The following DGKI variants were observed in gnomAD, a reference collection of about 807,000 sequenced individuals.
DGKI encodes DAG kinase iota.
DGKI carries 55 observed loss-of-function variants against 147.5 expected under a neutral mutation model. That is an observed-to-expected ratio of 0.37 (90% confidence interval 0.30 to 0.47). The LOEUF (loss-of-function observed/expected upper bound fraction) is 0.47, where lower values mean the gene tolerates loss of function less well. Among genes scored for constraint, DGKI ranks in the 20% least tolerant of loss-of-function variants. DGKI has a pLI of 1.00. For missense variants in DGKI, 1,007 were observed against 1,323.8 expected, an observed-to-expected ratio of 0.76 and a Z score of 3.71; for synonymous variants, 469 against 477.1, an observed-to-expected ratio of 0.98 and a Z score of 0.22.
chr7:137,735,563 A>C (rs1795000120), intron 1 of DGKI, among the ~76,000 whole-genome samples: 1 of 152,056 alleles, frequency 6.6e-6, no homozygotes, highest in Non-Finnish European at 1.5e-5. Flanking sequence ...TTATAAAATA[A>C]ATTATATTTT....
intron 1 of DGKI, among the ~76,000 whole-genome samples, chr7:137,831,079 A>G (rs1325519079): frequency 1.3e-5 from 2 of 152,210 alleles, no homozygotes; most frequent in East Asian, 3.8e-4. Flanking sequence ...CATTTTTCCT[A>G]TAACAAAAAC....
intron 1 of DGKI, among the ~76,000 whole-genome samples, chr7:137,802,557 T>C (rs1797245977): frequency 6.6e-6 from 1 of 152,184 alleles, no homozygotes; most frequent in Non-Finnish European, 1.5e-5. Context: ...ATGTCATAAA[T>C]AGGGTTATGG....
intron 12 of DGKI, among the ~76,000 whole-genome samples, chr7:137,596,073 TGAGG>T (rs1352645968): frequency 1.0e-5 from 1 of 100,084 alleles, no homozygotes; most frequent in Admixed American, 1.1e-4. Context: ...GGAGAGAGAA[TGAGG>T]GAGGGAGAGG....
In DGKI at chr7:137,736,394, T is replaced by TA. The variant is rs1795023916; in HGVS notation, c.402-46393dup. 3.9e-5 allele frequency among the ~76,000 whole-genome samples: 6 copies of TA among 152,128 alleles called. No homozygotes were observed. The South Asian group carries it at 1.2e-3, about 31-fold the overall frequency. On this transcript the variant is annotated intron_variant, in intron 1 of 32. Transcript: ENST00000614521. ...GAATTTCAGACATGGCTCAACCTCT[T>TA]ACCGTGTGACAGTGGGCAAATTATT...
At chr7:137,519,477 T>G (rs1816890644) in intron 21 of DGKI, among the ~76,000 whole-genome samples, 1 of 152,088 alleles carries the variant, frequency 6.6e-6, no homozygotes, top group African/African-American at 2.4e-5. Context: ...CAGTCATTGA[T>G]GACAATAAAT....
At chr7:137,550,415 A>G (rs892764531) in intron 20 of DGKI, among the ~76,000 whole-genome samples, 3 of 151,990 alleles carry the variant, frequency 2.0e-5, no homozygotes, top group African/African-American at 7.3e-5. Context: ...GTCTCAAGTG[A>G]TCTGGCCATC....
chr7:137,773,364 A>G (rs980642346), intron 1 of DGKI, among the ~76,000 whole-genome samples: 1 of 152,210 alleles, frequency 6.6e-6, no homozygotes, highest in African/African-American at 2.4e-5. Flanking sequence ...AGAAGATACT[A>G]TCAGGCGTTT....
intron 1 of DGKI, among the ~76,000 whole-genome samples, chr7:137,808,281 CTT>C (rs1465849939): frequency 1.3e-5 from 2 of 152,092 alleles, no homozygotes; most frequent in African/African-American, 2.4e-5. Context: ...AAATGAGAGA[CTT>C]ATTAATCTTA....
chr7:137,531,100 G>C (rs1035554027), intron 20 of DGKI, among the ~76,000 whole-genome samples: 2 of 151,942 alleles, frequency 1.3e-5, no homozygotes, highest in African/African-American at 4.8e-5. Flanking sequence ...TATAAAACTT[G>C]GACAAATATC....
chr7:137,752,312 G>A (rs1486850615), intron 1 of DGKI, among the ~76,000 whole-genome samples: 1 of 152,040 alleles, frequency 6.6e-6, no homozygotes, highest in African/African-American at 2.4e-5. Context: ...GTATCGATAG[G>A]GGGTCCTGGT....
intron 1 of DGKI, among the ~76,000 whole-genome samples, chr7:137,729,179 A>G (rs1340641787): frequency 6.6e-6 from 1 of 152,204 alleles, no homozygotes; most frequent in Non-Finnish European, 1.5e-5. Flanking sequence ...AGAAAAAAAT[A>G]CTGCCTACTA....
chr7:137,432,807 T>C (rs1320285959), intron 28 of DGKI, among the ~76,000 whole-genome samples: 2 of 152,180 alleles, frequency 1.3e-5, no homozygotes, highest in African/African-American at 4.8e-5. Flanking sequence ...TAGGTAGTAA[T>C]ACAAGGTCCT....
chr7:137,434,461 AT>A (rs2128912879), intron 28 of DGKI, among the ~76,000 whole-genome samples: 1 of 152,048 alleles, frequency 6.6e-6, no homozygotes, highest in East Asian at 2.0e-4. Context: ...CACGCCTGTA[AT>A]CCCAGCTACT....
At position 137,846,344 on chromosome 7, in the gene DGKI, G is replaced by A. The variant is rs1798728445; in HGVS notation, c.401+118C>T. 1.7e-6 allele frequency: 1 copy of A among 576,058 alleles called. No individual in the cohort carries two copies. Among genetic ancestry groups the A allele is most frequent in the Non-Finnish European group, 2.9e-6 (1 of 345,098 alleles). The allele number at this position is 576,058 out of a possible 1,614,324, so 35.7% of individuals were successfully genotyped here. A position where few individuals can be genotyped will look rare whatever the true frequency, so the allele number is the denominator to read the frequency against. ...CCCCGGGAGGAGAGGGGGAAAGGGG[G>A]AAGGAGAGGCGTGGAAACAGAGAGG... On this transcript the variant is annotated intron_variant, in intron 1 of 32. Transcript: ENST00000614521. This position sits in a 1 kb window ranked among gnomAD's most constrained non-coding sequence, Gnocchi z 4.0.
intron 2 of DGKI, among the ~76,000 whole-genome samples, chr7:137,685,519 A>G (rs1383841514): frequency 1.3e-5 from 2 of 152,236 alleles, no homozygotes; most frequent in Non-Finnish European, 2.9e-5. Flanking sequence ...AAAAGAAGAT[A>G]CACATTATCT....
intron 21 of DGKI, among the ~76,000 whole-genome samples, chr7:137,496,041 T>A (rs1214369061): frequency 6.6e-6 from 1 of 152,080 alleles, no homozygotes; most frequent in Non-Finnish European, 1.5e-5. Context: ...GACAATAAGA[T>A]TCTATACATA....
chr7:137,693,160 C>T (rs554221855), intron 1 of DGKI, among the ~76,000 whole-genome samples: 27 of 152,062 alleles, frequency 1.8e-4, no homozygotes, highest in South Asian at 1.7e-3. Context: ...TGGTAGATGA[C>T]GAATTTAAGA....
rs545266803 is a variant in DGKI at position 137,653,566 on chromosome 7, C to T, written c.738+1166G>A. ...TGCTCTTCTTTCTATCCGGAAGGCT[C>T]TTGCCACTCACCTCCTAACCACCCT... is the stretch of plus-strand genomic sequence containing the variant. On this transcript the variant is annotated intron_variant, in intron 5 of 32. Transcript: ENST00000614521. 5.9e-5 allele frequency among the ~76,000 whole-genome samples: 9 copies of T among 152,272 alleles called. No homozygotes were observed. In the South Asian group the frequency reaches 1.9e-3, roughly 32 times the overall value.
At chr7:137,616,235 C>T (rs1820526860) in intron 8 of DGKI, among the ~76,000 whole-genome samples, 2 of 152,024 alleles carry the variant, frequency 1.3e-5, no homozygotes, top group Admixed American at 1.3e-4. Context: ...CCTCACAATC[C>T]TCAGATATAG....
Sources: allele counts gnomAD v4.1 joint callset (sites outside exome capture counted in the v4.1 genomes callset), GRCh38; gene constraint gnomAD v4.1.1; non-coding constraint Gnocchi (gnomAD v3.1); transcripts MANE v1.5; gene names NCBI Gene and HGNC (gene_info 2026-07-23, HGNC 2026-07-21).